Variants in FYCO1 observed in about 807,000 individuals in gnomAD.
The protein encoded by FYCO1 is FYVE and coiled-coil domain autophagy adaptor 1.
FYCO1 carries 122 observed loss-of-function variants against 165.1 expected under a neutral mutation model. The observed-to-expected ratio is 0.74, with a 90% CI of 0.64 to 0.86. The LOEUF (loss-of-function observed/expected upper bound fraction) is 0.86. Among genes scored for constraint, FYCO1 ranks in the 40% least tolerant of loss-of-function variants. The probability of loss-of-function intolerance (pLI) is 0.00; values close to 1 mark genes in which losing one functional copy is unlikely to be tolerated. For missense variants in FYCO1, 1,702 were observed against 1,810.3 expected (o/e 0.94, Z 1.09); for synonymous variants, 648 against 742.5 (o/e 0.87, Z 2.07).
intron 1 of FYCO1, among the ~76,000 whole-genome samples, chr3:45,990,145 A>G (rs1707498125): frequency 1.3e-5 from 2 of 152,224 alleles, no homozygotes; most frequent in Non-Finnish European, 2.9e-5. Context: ...ATGAACTAAG[A>G]ACTGAATCTC....
Position 45,981,640 on chromosome 3 carries a change from GCTT to G in FYCO1, c.89_91del (p.Glu30del). The G allele has an allele frequency of 1.2e-6, 2 of 1,613,968 alleles. No individual in the cohort carries two copies. Among genetic ancestry groups the G allele is most frequent in the Admixed American group, 3.3e-5 (2 of 60,026 alleles). On this transcript the variant is annotated inframe_deletion, in exon 3 of 18. Coordinates refer to ENST00000296137, the MANE Select transcript of FYCO1 (RefSeq NM_024513.4). ...GCTGTCATCCGTGATGGGTTCCCCTGCTTCCTGAAATTCTTTGCTTAGTTCTGT... is the reference window on the plus strand; with the variant it reads ...GCTGTCATCCGTGATGGGTTCCCCTGCCTGAAATTCTTTGCTTAGTTCTGT...
intron 1 of FYCO1, among the ~76,000 whole-genome samples, chr3:45,995,380 C>T (rs1212567075): frequency 1.3e-5 from 2 of 152,250 alleles, no homozygotes; most frequent in Admixed American, 6.5e-5. Context: ...CCCCATCCTG[C>T]GCTAAGACAT....
At chr3:45,971,612 T>TA (rs1214352891) in intron 6 of FYCO1, among the ~76,000 whole-genome samples, 1 of 152,148 alleles carries the variant, frequency 6.6e-6, no homozygotes, top group East Asian at 1.9e-4. Flanking sequence ...ACACTTAACC[T>TA]AAATCCAATA....
At chr3:45,977,947 C>G (rs974967746) in intron 4 of FYCO1, among the ~76,000 whole-genome samples, 1 of 152,134 alleles carries the variant, frequency 6.6e-6, no homozygotes, top group Non-Finnish European at 1.5e-5. Context: ...ACCAATGATG[C>G]CCCAGAGAGC....
chr3:45,955,560 A>C (rs1198075459), intron 13 of FYCO1, among the ~76,000 whole-genome samples, 167 bp from the exon 14 acceptor site: 1 of 152,232 alleles, frequency 6.6e-6, no homozygotes, highest in Admixed American at 6.5e-5. Context: ...GAGTTGAGAG[A>C]AATGGTTGGT....
Position 45,966,788 on chromosome 3 carries a change from G to A in FYCO1, c.2546C>T (p.Ser849Leu), listed in dbSNP as rs766344445. The A allele has an allele frequency of 5.2e-5, 83 of 1,609,666 alleles. No homozygotes were observed. The highest frequency in any genetic ancestry group is 2.3e-4 in the African/African-American group (17 of 74,900). ...RAHVQELLQCSEREGALQEER... is the reference protein window; with the variant it reads ...RAHVQELLQCLEREGALQEER... Reference sequence around the variant, plus strand: ...CTCCTGCAGTGCCCCTTCACGCTCCGAGCATTGCAGCAGCTCCTGGACATG... The same window carrying A: ...CTCCTGCAGTGCCCCTTCACGCTCCAAGCATTGCAGCAGCTCCTGGACATG... Residue 849 changes from serine to leucine, a missense_variant, in exon 8 of 18, where the codon TCG (serine) becomes TTG (leucine). Coordinates refer to ENST00000296137, the MANE Select transcript of FYCO1 (RefSeq NM_024513.4).
rs1442855560 is a variant in FYCO1 at position 45,918,302 on chromosome 3, A to G, written c.*3463T>C. 6.6e-6 allele frequency: 1 copy of G among 152,248 alleles called. No homozygotes were observed. Among genetic ancestry groups the G allele is most frequent in the Non-Finnish European group, 1.5e-5 (1 of 68,032 alleles). The allele number at this position is 152,248 out of a possible 1,614,324, so 9.4% of individuals were successfully genotyped here. ...TCAAGATGTACTTTATTATTTTAAA[A>G]GTGCTTAAGAGGAAAGAGAGAATTA... On this transcript the variant is annotated 3_prime_UTR_variant, in exon 18 of 18. Transcript: ENST00000296137.
At chr3:45,955,027 T>C (rs111374848) in intron 14 of FYCO1, among the ~76,000 whole-genome samples, 1 of 152,182 alleles carries the variant, frequency 6.6e-6, no homozygotes, top group African/African-American at 2.4e-5. Flanking sequence ...ATAGTGATGC[T>C]GAAACCTGGG....
chr3:45,939,743 A>G (rs563821753), intron 14 of FYCO1, among the ~76,000 whole-genome samples: 16 of 152,290 alleles, frequency 1.1e-4, no homozygotes, highest in African/African-American at 3.6e-4. Context: ...GTCAGCCTCC[A>G]TTTGTGAACA....
chr3:45,980,286 T>C (rs965647763), intron 3 of FYCO1, among the ~76,000 whole-genome samples: 2 of 150,244 alleles, frequency 1.3e-5, no homozygotes, highest in African/African-American at 4.9e-5. Flanking sequence ...GAGGCAGAGG[T>C]AGCAGTGAGC....
intron 15 of FYCO1, 80 bp from the exon 16 acceptor site, chr3:45,931,361 A>G: frequency 7.3e-7 from 1 of 1,361,136 alleles, no homozygotes; most frequent in Non-Finnish European, 1.0e-6. Context: ...TGTGGCTCAG[A>G]GGTGGCTGGA....
chr3:45,941,177 C>T (rs1704205850), intron 14 of FYCO1: 1 of 152,176 alleles, frequency 6.6e-6, no homozygotes, highest in South Asian at 2.1e-4. Context: ...CACTGCCACG[C>T]CTGGCTGGTT....
At chr3:45,986,712 C>T (rs1371222413) in intron 1 of FYCO1, among the ~76,000 whole-genome samples, 1 of 152,150 alleles carries the variant, frequency 6.6e-6, no homozygotes, top group Non-Finnish European at 1.5e-5. Flanking sequence ...ATCAGGGACA[C>T]CAAACTGAGG....
At chr3:45,976,544 G>C (rs1395214941) in intron 4 of FYCO1, among the ~76,000 whole-genome samples, 1 of 152,190 alleles carries the variant, frequency 6.6e-6, no homozygotes, top group African/African-American at 2.4e-5. Flanking sequence ...GGGTAAGCTG[G>C]AACCAATACC....
chr3:45,995,095 G>A (rs1553628674), intron 1 of FYCO1, among the ~76,000 whole-genome samples: 1 of 146,082 alleles, frequency 6.8e-6, no homozygotes, highest in Non-Finnish European at 1.5e-5. Context: ...CCAGTCCAGT[G>A]CAGTGCCGCC....
intron 13 of FYCO1, among the ~76,000 whole-genome samples, chr3:45,956,420 G>C (rs947024527): frequency 6.6e-6 from 1 of 152,100 alleles, no homozygotes; most frequent in African/African-American, 2.4e-5. Flanking sequence ...ACAAGTGACC[G>C]CAGCACTCTG....
intron 17 of FYCO1, among the ~76,000 whole-genome samples, chr3:45,923,243 G>A (rs950249246): frequency 2.6e-5 from 4 of 152,104 alleles, no homozygotes; most frequent in South Asian, 2.1e-4. Flanking sequence ...TCCCTTTCTC[G>A]TTCATTCATT....
intron 14 of FYCO1, chr3:45,940,878 A>G (rs759259446): frequency 3.9e-5 from 6 of 152,122 alleles, no homozygotes; most frequent in Non-Finnish European, 8.8e-5. Flanking sequence ...CATGACTCAG[A>G]CACATTCCCT....
At chr3:45,979,574 T>G (rs1216703212) in intron 4 of FYCO1, 131 bp downstream of exon 4, 5 of 1,088,880 alleles carry the variant, frequency 4.6e-6, no homozygotes, top group Non-Finnish European at 7.0e-6. Context: ...TGCGTATACC[T>G]GGACTAGATT....
Sources: gnomAD v4.1 joint callset for allele counts (sites outside exome capture counted in the v4.1 genomes callset) on GRCh38, gnomAD v4.1.1 for gene constraint, MANE v1.5 for transcripts, NCBI Gene and HGNC (gene_info 2026-07-23, HGNC 2026-07-21) for gene names.